The following NGEF variants were observed in gnomAD, a reference collection of about 807,000 sequenced individuals.
NGEF encodes ephexin-1.
NGEF carries 31 observed loss-of-function variants against 80.9 expected under a neutral mutation model. The ratio of observed to expected loss-of-function variants is 0.38; its 90% confidence interval spans 0.29 to 0.52. NGEF has a LOEUF of 0.52. Ranked by LOEUF, NGEF falls within the 20% of genes least tolerant of loss-of-function variation. The probability of loss-of-function intolerance (pLI) is 0.84; values close to 1 mark genes in which losing one functional copy is unlikely to be tolerated. For synonymous variants in NGEF, 371 were observed against 370.2 expected (o/e 1.00, Z -0.03); for missense variants, 709 against 926.2 (o/e 0.77, Z 3.04).
intron 1 of NGEF, among the ~76,000 whole-genome samples, chr2:232,988,895 A>G (rs140789464): frequency 6.6e-6 from 1 of 152,364 alleles, no homozygotes; most frequent in African/African-American, 2.4e-5. Flanking sequence ...CCAGAAAAAA[A>G]GCAAGAATAG....
rs1694716663 is a variant in NGEF, at chr2:232,993,553, CA to C, written c.-74-18590del. On this transcript the variant is annotated intron_variant, in intron 1 of 14. Coordinates refer to ENST00000264051, the MANE Select transcript of NGEF (RefSeq NM_019850.3). ...AACATAGAGTTACCATATGACTCAA[CA>C]ATTCTCTTCCTAAGCCTGTTCCCAA... Among the ~76,000 whole-genome samples, 3 of 152,054 alleles carry C rather than the reference CA, an allele frequency of 2.0e-5. No homozygotes were observed. In the South Asian group the frequency reaches 6.2e-4, roughly 32 times the overall value.
chr2:232,990,005 G>A (rs1342831435), intron 1 of NGEF, among the ~76,000 whole-genome samples: 1 of 152,146 alleles, frequency 6.6e-6, no homozygotes. Context: ...AATCAGAGAT[G>A]CTCCCAATAA....
At chr2:232,987,295 G>A (rs1013711499) in intron 1 of NGEF, among the ~76,000 whole-genome samples, 1 of 152,218 alleles carries the variant, frequency 6.6e-6, no homozygotes. Context: ...TGAGATTACA[G>A]GCATTAGACA....
intron 3 of NGEF, among the ~76,000 whole-genome samples, chr2:232,961,090 T>C (rs2106314081): frequency 6.6e-6 from 1 of 152,256 alleles, no homozygotes; most frequent in Non-Finnish European, 1.5e-5. Context: ...TTGGATGAAC[T>C]CTGTGAGGAT....
rs558476348 is a variant in NGEF at position 232,925,430 on chromosome 2, C to CACCT, written c.526+1610_526+1613dup. On this transcript the variant is annotated intron_variant, in intron 4 of 14. Coordinates refer to ENST00000264051, the MANE Select transcript of NGEF (RefSeq NM_019850.3). Reference sequence around the variant, plus strand: ...AGACATTCACCAGGACACCAGCAGACACCTGCAGGGGGTAGCAGGAGGAAA... The same window carrying CACCT: ...AGACATTCACCAGGACACCAGCAGACACCTACCTGCAGGGGGTAGCAGGAGGAAA... Among the ~76,000 whole-genome samples the CACCT allele has an allele frequency of 1.0e-3, 156 of 152,340 alleles. 2 individuals carry two copies. Among genetic ancestry groups the CACCT allele is most frequent in the Admixed American group, 9.1e-3 (139 of 15,306 alleles).
chr2:232,973,057 G>T (rs538512381), intron 2 of NGEF, among the ~76,000 whole-genome samples: 1 of 151,894 alleles, frequency 6.6e-6, no homozygotes, highest in Non-Finnish European at 1.5e-5. Flanking sequence ...GCACCCGGCC[G>T]TCCTTACCCA....
At chr2:232,985,383 G>T (rs764049726) in intron 1 of NGEF, among the ~76,000 whole-genome samples, 1 of 152,138 alleles carries the variant, frequency 6.6e-6, no homozygotes, top group African/African-American at 2.4e-5. Flanking sequence ...TTGGGAGGCC[G>T]AGGCGGGCAG....
chr2:232,948,953 G>C (rs1367707088), intron 3 of NGEF, among the ~76,000 whole-genome samples: 2 of 152,080 alleles, frequency 1.3e-5, no homozygotes, highest in Non-Finnish European at 2.9e-5. Flanking sequence ...AGGAGGCAGA[G>C]GTTGCAGTGA....
At chr2:232,963,890 G>T (rs967173401) in intron 3 of NGEF, among the ~76,000 whole-genome samples, 3 of 152,092 alleles carry the variant, frequency 2.0e-5, no homozygotes, top group Admixed American at 2.0e-4. Flanking sequence ...TTGTGTTCAA[G>T]ATATATAGAG....
intron 3 of NGEF, among the ~76,000 whole-genome samples, chr2:232,945,948 G>A (rs750546324): frequency 9.9e-5 from 15 of 151,598 alleles, no homozygotes; most frequent in African/African-American, 3.4e-4. Flanking sequence ...AGCACAATTC[G>A]CAATTGGAAA....
intron 1 of NGEF, among the ~76,000 whole-genome samples, chr2:232,997,228 G>A (rs1310935086): frequency 2.0e-5 from 3 of 152,214 alleles, no homozygotes; most frequent in Admixed American, 6.5e-5. Context: ...CTGGGAACCT[G>A]CTTTTCTAAC....
At chr2:232,992,236 C>G (rs1480109402) in intron 1 of NGEF, among the ~76,000 whole-genome samples, 1 of 152,090 alleles carries the variant, frequency 6.6e-6, no homozygotes, top group Non-Finnish European at 1.5e-5. Context: ...AAATTTAAAA[C>G]TTTTATGCTT....
At chr2:232,940,139 C>T (rs944797898) in intron 3 of NGEF, among the ~76,000 whole-genome samples, 6 of 152,090 alleles carry the variant, frequency 3.9e-5, no homozygotes, top group Admixed American at 6.6e-5. Context: ...GTAATGTTGA[C>T]GGAATTCGTT....
intron 1 of NGEF, among the ~76,000 whole-genome samples, chr2:233,007,791 T>C (rs564405346): frequency 6.6e-6 from 1 of 152,336 alleles, no homozygotes; most frequent in African/African-American, 2.4e-5. Flanking sequence ...ACTTTGCTCT[T>C]GATTTAGGAA....
intron 8 of NGEF, among the ~76,000 whole-genome samples, chr2:232,890,322 C>A (rs952952510): frequency 1.3e-5 from 2 of 152,090 alleles, no homozygotes; most frequent in Non-Finnish European, 2.9e-5. Flanking sequence ...GAAGCCCCAT[C>A]CCCCTGAGTC....
At chr2:232,884,311 C>T (rs929178994) in intron 10 of NGEF, among the ~76,000 whole-genome samples, 167 bp from the exon 11 acceptor site, 1 of 152,032 alleles carries the variant, frequency 6.6e-6, no homozygotes, top group African/African-American at 2.4e-5. Flanking sequence ...AGAGAGATGG[C>T]AGGGCTGTGT....
At chr2:233,001,077 C>T (rs1466064254) in intron 1 of NGEF, among the ~76,000 whole-genome samples, 1 of 152,194 alleles carries the variant, frequency 6.6e-6, no homozygotes, top group Non-Finnish European at 1.5e-5. Context: ...ATCCTGAGTG[C>T]CACTTCCCCC....
chr2:232,981,262 G>A (rs948104653), intron 1 of NGEF, among the ~76,000 whole-genome samples: 1 of 150,994 alleles, frequency 6.6e-6, no homozygotes, highest in Admixed American at 6.6e-5. Context: ...GTTCATTCCT[G>A]GGCATAGGCC....
intron 5 of NGEF, among the ~76,000 whole-genome samples, chr2:232,910,119 T>C (rs184503907): frequency 2.4e-4 from 36 of 151,914 alleles, no homozygotes; most frequent in South Asian, 8.4e-4. Context: ...TTGTCATGAT[T>C]GGGGGGAGGG....
Sources: gnomAD v4.1 joint callset for allele counts (sites outside exome capture counted in the v4.1 genomes callset) on GRCh38, gnomAD v4.1.1 for gene constraint, MANE v1.5 for transcripts, NCBI Gene and HGNC (gene_info 2026-07-23, HGNC 2026-07-21) for gene names.